The following MYT1L variants were observed in gnomAD, a reference collection of about 807,000 sequenced individuals.
The protein encoded by MYT1L is myelin transcription factor 1 like, also known as myelin transcription factor 1-like protein.
A neutral mutation model predicts 126.7 loss-of-function variants in MYT1L; 12 were observed. The ratio of observed to expected loss-of-function variants is 0.09; its 90% CI spans 0.06 to 0.15. MYT1L has a LOEUF of 0.15. Ranked by LOEUF, MYT1L falls within the 10% of genes least tolerant of loss-of-function variation. The pLI is 1.00. For missense variants in MYT1L, 979 were observed against 1,585.2 expected (o/e 0.62, Z 6.49); for synonymous variants, 541 against 604.2 (o/e 0.90, Z 1.53).
At chr2:2,012,906 C>T (rs754506513) in intron 4 of MYT1L, among the ~76,000 whole-genome samples, 49 of 152,168 alleles carry the variant, frequency 3.2e-4, no homozygotes, top group Non-Finnish European at 6.3e-4. Flanking sequence ...TTTATCATCG[C>T]TCCATGTCAT....
chr2:2,285,399 T>A (rs541183225), intron 1 of MYT1L, among the ~76,000 whole-genome samples: 3 of 152,318 alleles, frequency 2.0e-5, no homozygotes, highest in African/African-American at 7.2e-5. Context: ...ATTTCCTATT[T>A]CCTAGGTTCA....
intron 3 of MYT1L, among the ~76,000 whole-genome samples, chr2:2,080,296 G>C (rs1575035370): frequency 6.6e-6 from 1 of 151,598 alleles, no homozygotes; most frequent in East Asian, 1.9e-4. Flanking sequence ...AAAACACAAG[G>C]GATAAGAGAA....
At chr2:1,858,323 C>A (rs989545948) in intron 18 of MYT1L, among the ~76,000 whole-genome samples, 3 of 152,162 alleles carry the variant, frequency 2.0e-5, no homozygotes, top group African/African-American at 7.2e-5. Context: ...CAGAAAGAGA[C>A]CAGGCTACTT....
At chr2:2,241,940 GAC>G (rs375790151) in intron 2 of MYT1L, among the ~76,000 whole-genome samples, 4 of 151,668 alleles carry the variant, frequency 2.6e-5, no homozygotes, top group Admixed American at 6.6e-5. Flanking sequence ...GGTGTGTCTA[GAC>G]ACACACACAC....
chr2:1,842,031 A>C (rs962418713), intron 19 of MYT1L: 4 of 152,294 alleles, frequency 2.6e-5, no homozygotes, highest in African/African-American at 9.6e-5. Context: ...TTTTTGGAAA[A>C]GAATTGAAGA....
chr2:1,961,364 A>G (rs1317674241), intron 8 of MYT1L, among the ~76,000 whole-genome samples: 3 of 152,172 alleles, frequency 2.0e-5, no homozygotes, highest in African/African-American at 7.2e-5. Flanking sequence ...CCAGCCCACT[A>G]TTTACCCACT....
At chr2:1,803,668 C>A (rs1372610656) in intron 22 of MYT1L, among the ~76,000 whole-genome samples, 1 of 152,202 alleles carries the variant, frequency 6.6e-6, no homozygotes, top group African/African-American at 2.4e-5. Flanking sequence ...GGGGACCACC[C>A]TCAGGCCCAA....
chr2:2,101,750 A>C (rs944433280), intron 3 of MYT1L, among the ~76,000 whole-genome samples: 1 of 152,154 alleles, frequency 6.6e-6, no homozygotes, highest in African/African-American at 2.4e-5. Flanking sequence ...CCATCCACCT[A>C]TCCATCTATC....
chr2:2,299,514 G>A (rs1248204811), intron 1 of MYT1L, among the ~76,000 whole-genome samples: 4 of 152,202 alleles, frequency 2.6e-5, no homozygotes, highest in Non-Finnish European at 4.4e-5. Context: ...TGGGAGTTGG[G>A]GTTCTTGCTT....
Position 2,279,608 on chromosome 2 carries a change from G to GGAAT in MYT1L, c.-421+4792_-421+4795dup, listed in dbSNP as rs1553619977. ...AGGAAGGAAGGAAGGAAGGAAGGAA[G>GGAAT]GAATCAAGATTATCCCTCAAATGTC... is the stretch of plus-strand genomic sequence containing the variant. On this transcript the variant is annotated intron_variant, in intron 2 of 24. Transcript: ENST00000647738. Among the ~76,000 whole-genome samples, 19 of 150,442 alleles carry GGAAT rather than the reference G, an allele frequency of 1.3e-4. No homozygotes were observed. The East Asian group carries it at 3.7e-3, about 30-fold the overall frequency.
At chr2:2,083,190 T>C (rs997227418) in intron 3 of MYT1L, among the ~76,000 whole-genome samples, 4 of 152,228 alleles carry the variant, frequency 2.6e-5, no homozygotes, top group African/African-American at 9.6e-5. Flanking sequence ...TTTGAAGAAA[T>C]ACCTGCCCTT....
intron 1 of MYT1L, among the ~76,000 whole-genome samples, chr2:2,328,879 A>G (rs2096267919): frequency 6.6e-6 from 1 of 152,252 alleles, no homozygotes; most frequent in Non-Finnish European, 1.5e-5. Flanking sequence ...GTTCAAGTAT[A>G]GATATCTTTG....
chr2:2,141,344 G>T (rs2083944707), intron 3 of MYT1L, among the ~76,000 whole-genome samples: 2 of 152,044 alleles, frequency 1.3e-5, no homozygotes, highest in Admixed American at 1.3e-4. Context: ...CCATTTCAAG[G>T]CTGCTTAGGA....
intron 1 of MYT1L, chr2:2,319,176 G>C (rs902758645): frequency 2.0e-5 from 3 of 152,208 alleles, no homozygotes; most frequent in Non-Finnish European, 4.4e-5. Flanking sequence ...AGAGAAGGCA[G>C]AGACAAGTGA....
chr2:1,838,740 G>A (rs189881381), intron 21 of MYT1L, among the ~76,000 whole-genome samples: 3 of 152,270 alleles, frequency 2.0e-5, no homozygotes, highest in Admixed American at 1.3e-4. Flanking sequence ...TGCATCTTTG[G>A]TGCAGGCATT....
chr2:2,302,644 T>G (rs1184417162), intron 1 of MYT1L, among the ~76,000 whole-genome samples: 1 of 152,230 alleles, frequency 6.6e-6, no homozygotes, highest in Admixed American at 6.5e-5. Flanking sequence ...GACAGCTTTG[T>G]GCGCTCAAAT....
At chr2:1,874,214 A>G (rs1573090294) in intron 18 of MYT1L, among the ~76,000 whole-genome samples, 1 of 151,524 alleles carries the variant, frequency 6.6e-6, no homozygotes, top group Admixed American at 6.6e-5. Context: ...CCCCAAGATG[A>G]ATTTTAAATG....
chr2:2,041,521 T>C (rs1396678649), intron 4 of MYT1L, among the ~76,000 whole-genome samples: 1 of 152,232 alleles, frequency 6.6e-6, no homozygotes, highest in Non-Finnish European at 1.5e-5. Flanking sequence ...AGATATTCTT[T>C]GTCTCTTATC....
At chr2:2,033,752 C>T (rs2149957793) in intron 4 of MYT1L, among the ~76,000 whole-genome samples, 1 of 152,290 alleles carries the variant, frequency 6.6e-6, no homozygotes, top group African/African-American at 2.4e-5. Flanking sequence ...GCTGTTTTGT[C>T]CCCATTCAGA....
Sources: allele counts gnomAD v4.1 joint callset (sites outside exome capture counted in the v4.1 genomes callset), GRCh38; gene constraint gnomAD v4.1.1; transcripts MANE v1.5; gene names NCBI Gene and HGNC (gene_info 2026-07-23, HGNC 2026-07-21).